Variants in ACSL1 observed in about 807,000 individuals in gnomAD.
ACSL1 encodes the protein acyl-CoA synthetase long chain family member 1, also known as long-chain-fatty-acid--CoA ligase 1.
In ACSL1, 41 loss-of-function variants were observed where a neutral mutation model predicts 98.4. That is an observed-to-expected ratio of 0.42 (90% CI 0.32 to 0.54). ACSL1 has a LOEUF of 0.54. Among genes scored for constraint, ACSL1 ranks in the 20% least tolerant of loss-of-function variants. The probability of loss-of-function intolerance (pLI) is 0.13; values close to 1 mark genes in which losing one functional copy is unlikely to be tolerated. For synonymous variants in ACSL1, 316 were observed against 322.7 expected (o/e 0.98, Z 0.22); for missense variants, 734 against 883.1 (o/e 0.83, Z 2.14).
In ACSL1 at chr4:184,757,191, T is replaced by G. The variant is rs1283914118; in HGVS notation, c.2031A>C (p.Lys677Asn). ...TGAAATAGTTCCGCAGCTCTGGCCTTTTCGCCTTCATTGTTGGAGTCAGAA... is the reference window on the plus strand; with the variant it reads ...TGAAATAGTTCCGCAGCTCTGGCCTGTTCGCCTTCATTGTTGGAGTCAGAA... Reference protein sequence around the residue: ...NGLLTPTMKAKRPELRNYFRS... With the variant: ...NGLLTPTMKANRPELRNYFRS... Residue 677 changes from lysine (K) to asparagine (N), a missense_variant, in exon 21 of 21, where the codon AAA becomes AAC. Lys to Asn is a moderately conservative substitution (Grantham distance 94). Coordinates refer to ENST00000281455, the MANE Select transcript of ACSL1 (RefSeq NM_001995.5). This position sits in a 1 kb window ranked among gnomAD's most constrained non-coding sequence, Gnocchi z 4.5. The G allele has an allele frequency of 2.5e-6, 4 of 1,610,720 alleles. No individual in the cohort carries two copies. The Admixed American group carries it at 6.7e-5, about 27-fold the overall frequency.
intron 1 of ACSL1, among the ~76,000 whole-genome samples, chr4:184,812,422 G>C (rs1226770366): frequency 6.6e-6 from 1 of 152,048 alleles, no homozygotes; most frequent in African/African-American, 2.4e-5. Flanking sequence ...GGGGTATTAA[G>C]CATTTTCCAA....
At chr4:184,805,544 G>T (rs915520339) in intron 1 of ACSL1, 10 of 985,334 alleles carry the variant, frequency 1.0e-5, no homozygotes, top group Non-Finnish European at 1.2e-5. Context: ...GCCACCAACA[G>T]CTGACTACTA....
At chr4:184,794,321 C>T (rs940232818) in intron 2 of ACSL1, among the ~76,000 whole-genome samples, 1 of 152,204 alleles carries the variant, frequency 6.6e-6, no homozygotes, top group Non-Finnish European at 1.5e-5. Flanking sequence ...AAGGCCAGCC[C>T]CTGGGCAACT....
intron 14 of ACSL1, 49 bp downstream of exon 14, chr4:184,765,842 A>G: frequency 6.5e-7 from 1 of 1,546,478 alleles, no homozygotes; most frequent in East Asian, 2.3e-5. Flanking sequence ...GCAGAAGAGG[A>G]CTGGGCATCC....
At chr4:184,821,959 A>G (rs952462133) in intron 1 of ACSL1, among the ~76,000 whole-genome samples, 10 of 152,322 alleles carry the variant, frequency 6.6e-5, no homozygotes, top group Admixed American at 2.6e-4. Context: ...CATTTTTCCT[A>G]TTTCCCAAAT....
rs187110059 is a variant in ACSL1, at chr4:184,820,762, G to A, written c.-33+5154C>T. 1.1e-3 allele frequency among the ~76,000 whole-genome samples: 160 copies of A among 152,162 alleles called. 1 individual carries two copies. Among genetic ancestry groups the A allele is most frequent in the Non-Finnish European group, 2.0e-3 (133 of 68,014 alleles). On this transcript the variant is annotated intron_variant, in intron 1 of 20. Transcript: ENST00000281455. ...TGAGACTACAGGCACGTACCACCAC[G>A]CCCAGTTAATTTTTGTATTTTTAGT...
chr4:184,794,978 C>A (rs1400233954), intron 2 of ACSL1, among the ~76,000 whole-genome samples: 1 of 152,000 alleles, frequency 6.6e-6, no homozygotes, highest in Non-Finnish European at 1.5e-5. Flanking sequence ...CACGGTACTT[C>A]GCAAAACATC....
In ACSL1 at chr4:184,788,706, G is replaced by A; in HGVS notation, c.221C>T (p.Ala74Val). Reference protein sequence around the residue: ...VAGSGGARRSALLDSDEPLVY... With the variant: ...VAGSGGARRSVLLDSDEPLVY... ...CAAGGGCTCGTCGCTGTCAAGTAGT[G>A]CGGATCTTCGTGCACCACCACTACC... The change falls in exon 3 of 21, where the codon GCA becomes GTA. Residue 74 changes from alanine to valine, a missense_variant. Physicochemically the swap from Ala to Val is moderately conservative, Grantham distance 64. Coordinates refer to ENST00000281455, the MANE Select transcript of ACSL1 (RefSeq NM_001995.5). 1 of 1,614,142 alleles carries A rather than the reference G, an allele frequency of 6.2e-7. No individual in the cohort carries two copies. Among genetic ancestry groups the A allele is most frequent in the Non-Finnish European group, 8.5e-7 (1 of 1,180,018 alleles).
chr4:184,791,606 T>G (rs1768378914), intron 2 of ACSL1, among the ~76,000 whole-genome samples: 2 of 152,172 alleles, frequency 1.3e-5, no homozygotes. Context: ...AGGGAAGTTT[T>G]CAGCAGGGAA....
At chr4:184,817,468 C>A (rs115879219) in intron 1 of ACSL1, among the ~76,000 whole-genome samples, 138 of 152,284 alleles carry the variant, frequency 9.1e-4, no homozygotes, top group African/African-American at 3.2e-3. Flanking sequence ...ATGGTCTAGG[C>A]AGCCACTATG....
At chr4:184,800,751 C>T (rs2150430463) in intron 2 of ACSL1, among the ~76,000 whole-genome samples, 1 of 152,342 alleles carries the variant, frequency 6.6e-6, no homozygotes, top group East Asian at 1.9e-4. Flanking sequence ...TTAAGAAACA[C>T]TTTTTGGATT....
intron 7 of ACSL1, among the ~76,000 whole-genome samples, chr4:184,774,361 C>T (rs973050481): frequency 2.0e-5 from 3 of 152,130 alleles, no homozygotes; most frequent in Non-Finnish European, 2.9e-5. Context: ...AATCTCTGCT[C>T]GATTGAAATG....
At chr4:184,811,585 G>A (rs977636853) in intron 1 of ACSL1, among the ~76,000 whole-genome samples, 5 of 152,110 alleles carry the variant, frequency 3.3e-5, no homozygotes, top group Non-Finnish European at 7.4e-5. Context: ...TCACTTCTAG[G>A]AGGTACCTAG....
rs144130973 is a variant in ACSL1 at position 184,779,355 on chromosome 4, G to A, written c.477+977C>T. ...CTCTTGCCGCCACCATGTAAGAAGTGCCTTTCACCTCCTGCCATGATTCTG... is the reference window on the plus strand; with the variant it reads ...CTCTTGCCGCCACCATGTAAGAAGTACCTTTCACCTCCTGCCATGATTCTG... On this transcript the variant is annotated intron_variant, in intron 5 of 20. Coordinates refer to ENST00000281455, the MANE Select transcript of ACSL1 (RefSeq NM_001995.5). 3.1e-3 allele frequency among the ~76,000 whole-genome samples: 467 copies of A among 152,276 alleles called. 2 individuals are homozygous for A. Among genetic ancestry groups the A allele is most frequent in the African/African-American group, 9.5e-3 (394 of 41,546 alleles).
chr4:184,776,926 C>T lies in ACSL1; in HGVS notation c.535G>A (p.Asp179Asn), dbSNP rs1765378469. ...AYSMVIVPLY[D>N]TLGNEAITYI... ...GTGATGGCTTCATTTCCAAGGGTATCATAAAGTGGAACGATCACCATCGAA... is the reference window on the plus strand; with the variant it reads ...GTGATGGCTTCATTTCCAAGGGTATTATAAAGTGGAACGATCACCATCGAA... Residue 179 changes from aspartate to asparagine, a missense_variant, in exon 6 of 21, where the codon GAT (aspartate) becomes AAT (asparagine). Physicochemically the swap from Asp to Asn is conservative, Grantham distance 23 (BLOSUM62 1). Transcript: ENST00000281455. The T allele has an allele frequency of 6.2e-7, 1 of 1,614,028 alleles. No individual in the cohort carries two copies. The highest frequency in any genetic ancestry group is 1.3e-5 in the African/African-American group (1 of 74,898).
rs1385351140 is a variant in ACSL1, at chr4:184,757,074, G to A, written c.*51C>T. On this transcript the variant is annotated 3_prime_UTR_variant, in exon 21 of 21. Coordinates refer to ENST00000281455, the MANE Select transcript of ACSL1 (RefSeq NM_001995.5). This position sits in a 1 kb window ranked among gnomAD's most constrained non-coding sequence, Gnocchi z 4.5. ...ATTAACAACATGAAGGCCATCAGCA[G>A]GAGAAGAGATTGTGGAACTGTGCCA... 3 of 1,514,950 alleles carry A rather than the reference G, an allele frequency of 2.0e-6. No homozygotes were observed. Among genetic ancestry groups the A allele is most frequent in the East Asian group, 2.3e-5 (1 of 43,488 alleles). The allele number at this position is 1,514,950 out of a possible 1,614,324, so 93.8% of individuals were successfully genotyped here. A position where few individuals can be genotyped will look rare whatever the true frequency, so the allele number is the denominator to read the frequency against.
Position 184,797,486 on chromosome 4 carries a change from T to C in ACSL1, c.195+5834A>G, listed in dbSNP as rs115576904. Among the ~76,000 whole-genome samples, 834 of 152,362 alleles carry C rather than the reference T, an allele frequency of 5.5e-3. 3 individuals carry two copies. Among genetic ancestry groups the C allele is most frequent in the Non-Finnish European group, 9.6e-3 (651 of 68,028 alleles). ...CATGGATGAAGGATGCCAGTCCTTG[T>C]TGCAGTGTGCATGTGAGCTGGAGGT... On this transcript the variant is annotated intron_variant, in intron 2 of 20. Coordinates refer to ENST00000281455, the MANE Select transcript of ACSL1 (RefSeq NM_001995.5).
Position 184,788,712 on chromosome 4 carries a change from C to T in ACSL1, c.215G>A (p.Arg72Lys). 1 of 1,614,154 alleles carries T rather than the reference C, an allele frequency of 6.2e-7. No individual in the cohort carries two copies. Among genetic ancestry groups the T allele is most frequent in the Non-Finnish European group, 8.5e-7 (1 of 1,180,010 alleles). Residue 72 changes from arginine (R) to lysine (K), a missense_variant, in exon 3 of 21, where the codon AGA (arginine) becomes AAA (lysine). By Grantham distance (26) the Arg-to-Lys change is conservative. Transcript: ENST00000281455. ...VEVAGSGGAR[R>K]SALLDSDEPL... ...CTCGTCGCTGTCAAGTAGTGCGGAT[C>T]TTCGTGCACCACCACTACCCTATCA...
chr4:184,759,328 T>C (rs916823658), intron 18 of ACSL1, among the ~76,000 whole-genome samples: 7 of 152,252 alleles, frequency 4.6e-5, no homozygotes, highest in Admixed American at 3.3e-4. Context: ...AAAGCCAAAA[T>C]TGACAAATGG....
Sources: allele counts gnomAD v4.1 joint callset (sites outside exome capture counted in the v4.1 genomes callset), GRCh38; gene constraint gnomAD v4.1.1; non-coding constraint Gnocchi (gnomAD v3.1); transcripts MANE v1.5; gene names NCBI Gene and HGNC (gene_info 2026-07-23, HGNC 2026-07-21).